PLCE1: variants seen among roughly 807,000 people sequenced by gnomAD.
The protein encoded by PLCE1 is phospholipase C epsilon 1.
A neutral mutation model predicts 242.8 loss-of-function variants in PLCE1; 119 were observed. The ratio of observed to expected loss-of-function variants is 0.49; its 90% CI spans 0.42 to 0.57. The LOEUF (loss-of-function observed/expected upper bound fraction) is 0.57, where lower values mean the gene tolerates loss of function less well. Ranked by LOEUF, PLCE1 falls within the 20% of genes least tolerant of loss-of-function variation. The pLI, the probability that PLCE1 is intolerant of heterozygous loss-of-function variation, is 0.00. For synonymous variants in PLCE1, 945 were observed against 1,017.4 expected (o/e 0.93, Z 1.35); for missense variants, 2,441 against 2,788.8 (o/e 0.88, Z 2.81).
chr10:94,000,577 T>G (rs1000177997), intron 1 of PLCE1, among the ~76,000 whole-genome samples: 8 of 152,244 alleles, frequency 5.3e-5, no homozygotes, highest in African/African-American at 1.9e-4. Flanking sequence ...TTCTAACAAA[T>G]ATTAGTTTCT....
chr10:94,154,022 A>G (rs569460457), intron 3 of PLCE1, among the ~76,000 whole-genome samples: 2 of 152,290 alleles, frequency 1.3e-5, no homozygotes, highest in African/African-American at 4.8e-5. Context: ...TGAATAGGGA[A>G]CCCAGAATAG....
Position 94,332,342 on chromosome 10 carries a change from AT to A in PLCE1, c.*4402del, listed in dbSNP as rs2054169658. ...ATTTTTCAAAAGCGTTATGTGGATG[AT>A]TTGACTCAGCATGGAAGACTGAGGT... On this transcript the variant is annotated 3_prime_UTR_variant, in exon 33 of 33. Coordinates refer to ENST00000371380, the MANE Select transcript of PLCE1 (RefSeq NM_016341.4). 6.6e-6 allele frequency: 1 copy of A among 152,196 alleles called. No individual in the cohort carries two copies. The highest frequency in any genetic ancestry group is 2.4e-5 in the African/African-American group (1 of 41,446). The allele number at this position is 152,196 out of a possible 1,614,324, so 9.4% of individuals were successfully genotyped here. A position where few individuals can be genotyped will look rare whatever the true frequency, so the allele number is the denominator to read the frequency against.
chr10:94,147,308 G>T (rs567843320), intron 3 of PLCE1, among the ~76,000 whole-genome samples: 76 of 152,236 alleles, frequency 5.0e-4, no homozygotes, highest in Middle Eastern at 3.4e-3. Flanking sequence ...TGTAATCCCA[G>T]CTACTCGGGA....
At chr10:94,247,969 T>C (rs1355761303) in intron 8 of PLCE1, among the ~76,000 whole-genome samples, 2 of 152,260 alleles carry the variant, frequency 1.3e-5, no homozygotes, top group Non-Finnish European at 2.9e-5. Context: ...TTCTTTGCTA[T>C]GCTTTTCTAT....
At chr10:94,204,054 C>T (rs1046280653) in intron 4 of PLCE1, among the ~76,000 whole-genome samples, 2 of 151,548 alleles carry the variant, frequency 1.3e-5, no homozygotes, top group East Asian at 1.9e-4. Context: ...TATGTCTCTT[C>T]GTATTTGCAA....
chr10:94,252,972 G>A (rs1314692827), intron 9 of PLCE1, among the ~76,000 whole-genome samples: 2 of 152,226 alleles, frequency 1.3e-5, no homozygotes, highest in East Asian at 3.8e-4. Context: ...GCTAGAGCAT[G>A]AGCACTCTGT....
intron 1 of PLCE1, among the ~76,000 whole-genome samples, chr10:94,017,776 G>A (rs1182387137): frequency 2.0e-5 from 3 of 152,156 alleles, no homozygotes; most frequent in African/African-American, 7.2e-5. Context: ...TATTTAGTCT[G>A]GAAAATGTTT....
chr10:94,172,326 A>C (rs2048009988), intron 4 of PLCE1, among the ~76,000 whole-genome samples: 1 of 152,094 alleles, frequency 6.6e-6, no homozygotes. Context: ...TCTATTCTAC[A>C]TTTTATGTTT....
intron 2 of PLCE1, among the ~76,000 whole-genome samples, chr10:94,094,325 G>C (rs1398554978): frequency 8.5e-6 from 1 of 118,124 alleles, no homozygotes; most frequent in Non-Finnish European, 1.6e-5. Context: ...GTGTTAGAGA[G>C]AAACAGTAAA....
In PLCE1 at chr10:94,184,995, G is replaced by A. The variant is rs149108392; in HGVS notation, c.1809+13499G>A. ...ATTAGTGTAAATAATTATCCTATTA[G>A]GTACTGTTAGAAATACAAAGAAAAG... On this transcript the variant is annotated intron_variant, in intron 4 of 32. Transcript: ENST00000371380. Among the ~76,000 whole-genome samples the A allele has an allele frequency of 4.2e-3, 638 of 152,220 alleles. 5 individuals carry two copies. The highest frequency in any genetic ancestry group is 0.013 in the African/African-American group (551 of 41,536).
chr10:94,259,176 C>T (rs1361554005), intron 13 of PLCE1, 26 bp downstream of exon 13: 2 of 1,612,630 alleles, frequency 1.2e-6, no homozygotes. Context: ...TAGGATTTCC[C>T]TTTGGGATCA....
intron 3 of PLCE1, among the ~76,000 whole-genome samples, chr10:94,163,597 T>A (rs2047691966): frequency 6.6e-6 from 1 of 152,226 alleles, no homozygotes; most frequent in Admixed American, 6.5e-5. Flanking sequence ...TGATGGGTCT[T>A]GACTCTTTAT....
chr10:94,244,114 T>A (rs941937728), intron 7 of PLCE1, among the ~76,000 whole-genome samples: 1 of 151,540 alleles, frequency 6.6e-6, no homozygotes, highest in Non-Finnish European at 1.5e-5. Flanking sequence ...TGTGGTAGAC[T>A]TTTTTTTTAA....
At chr10:94,004,748 C>T (rs1051658453) in intron 1 of PLCE1, among the ~76,000 whole-genome samples, 15 of 152,150 alleles carry the variant, frequency 9.9e-5, no homozygotes, top group African/African-American at 3.6e-4. Flanking sequence ...TTGAGTCACT[C>T]CCCTGTGTCA....
chr10:93,996,117 G>A, intron 1 of PLCE1, among the ~76,000 whole-genome samples: 1 of 1,532 alleles, frequency 6.5e-4, no homozygotes, highest in South Asian at 0.033. Flanking sequence ...TGCTGCACGT[G>A]TGTGTGTGTG....
chr10:94,304,608 A>G lies in PLCE1; in HGVS notation c.5585A>G (p.Asp1862Gly). ...MYQKFSPLERDLDSMDPAVYS... is the reference protein window; with the variant it reads ...MYQKFSPLERGLDSMDPAVYS... ...CAGAAGTTTTCTCCACTAGAAAGAG[A>G]TCTGGACAGCATGGATCCTGCAGTC... Residue 1862 changes from aspartate (D) to glycine (G), a missense_variant, in exon 25 of 33, where the codon GAT (aspartate) becomes GGT (glycine). Around this residue, in one of 5 missense-constraint regions of PLCE1, gnomAD observed 1,004 missense variants for 1,322.7 expected, o/e 0.76. Transcript: ENST00000371380. 1 of 1,614,076 alleles carries G rather than the reference A, an allele frequency of 6.2e-7. No individual in the cohort carries two copies.
At chr10:94,202,615 G>A (rs1014166819) in intron 4 of PLCE1, among the ~76,000 whole-genome samples, 9 of 152,264 alleles carry the variant, frequency 5.9e-5, no homozygotes, top group Admixed American at 5.9e-4. Context: ...CTAGAGGCGC[G>A]TTATCACGTT....
In PLCE1 at chr10:94,132,188, G is replaced by C; in HGVS notation, c.1221G>C (p.Val407=). 1 of 1,614,062 alleles carries C rather than the reference G, an allele frequency of 6.2e-7. No individual in the cohort carries two copies. The highest frequency in any genetic ancestry group is 8.5e-7 in the Non-Finnish European group (1 of 1,179,940). Residue 407 remains valine, a synonymous_variant, in exon 3 of 33, where the codon GTG becomes GTC. Transcript: ENST00000371380. The part of the protein sequence containing the change: ...EAQWYPIYNA[V]RREETENTVG... ...GCTATTCACAGATCTACAATGCAGT[G>C]AGAAGAGAAGAAACAGAAAATACAG...
Position 94,234,086 on chromosome 10 carries a change from T to C in PLCE1, c.1988T>C (p.Met663Thr). 3 of 1,614,056 alleles carry C rather than the reference T, an allele frequency of 1.9e-6. No homozygotes were observed. The highest frequency in any genetic ancestry group is 8.5e-7 in the Non-Finnish European group (1 of 1,179,912). Reference sequence around the variant, plus strand: ...AAAGTTTTAAAAATGTGGCAGTTCATGGACCAGTCTGATATTGAGACCATG... The same window carrying C: ...AAAGTTTTAAAAATGTGGCAGTTCACGGACCAGTCTGATATTGAGACCATG... Reference protein sequence around the residue: ...SRKVLKMWQFMDQSDIETMRS... With the variant: ...SRKVLKMWQFTDQSDIETMRS... The change falls in exon 6 of 33, where the codon ATG (methionine) becomes ACG (threonine). Residue 663 changes from methionine to threonine, a missense_variant. Physicochemically the swap from Met to Thr is moderately conservative, Grantham distance 81 (BLOSUM62 -1). Coordinates refer to ENST00000371380, the MANE Select transcript of PLCE1 (RefSeq NM_016341.4).
Sources: gnomAD v4.1 joint callset for allele counts (sites outside exome capture counted in the v4.1 genomes callset) on GRCh38, gnomAD v4.1.1 for gene constraint, gnomAD v4.1.1 regional missense constraint, MANE v1.5 for transcripts, NCBI Gene and HGNC (gene_info 2026-07-23, HGNC 2026-07-21) for gene names.